IGSF11: variants seen among roughly 807,000 people sequenced by gnomAD.
IGSF11 encodes the protein CXADR like 1.
A neutral mutation model predicts 41.0 loss-of-function variants in IGSF11; 22 were observed. The ratio of observed to expected loss-of-function variants is 0.54; its 90% CI spans 0.38 to 0.77. The LOEUF (loss-of-function observed/expected upper bound fraction) is 0.77. Among genes scored for constraint, IGSF11 ranks in the 30% least tolerant of loss-of-function variants. The pLI, the probability that IGSF11 is intolerant of heterozygous loss-of-function variation, is 0.00. For synonymous variants in IGSF11, 219 were observed against 201.3 expected, an observed-to-expected ratio of 1.09 and a Z score of -0.74; for missense variants, 444 against 530.8, an observed-to-expected ratio of 0.84 and a Z score of 1.61.
chr3:119,044,650 G>T (rs935362656), intron 1 of IGSF11, among the ~76,000 whole-genome samples: 1 of 152,162 alleles, frequency 6.6e-6, no homozygotes, highest in African/African-American at 2.4e-5. Flanking sequence ...AATCTTAAGA[G>T]TTGTGAGGTA....
intron 1 of IGSF11, among the ~76,000 whole-genome samples, chr3:119,028,121 T>C (rs1413477424): frequency 2.0e-5 from 3 of 152,230 alleles, no homozygotes; most frequent in African/African-American, 2.4e-5. Context: ...AAGCCATCTT[T>C]AAGCATATAG....
chr3:119,095,615 C>T (rs1407115365), intron 1 of IGSF11, among the ~76,000 whole-genome samples: 2 of 152,162 alleles, frequency 1.3e-5, no homozygotes. Flanking sequence ...TCATTACTTA[C>T]AGCAAAAGTA....
chr3:119,067,636 G>T (rs762897437), intron 1 of IGSF11, among the ~76,000 whole-genome samples: 1 of 151,458 alleles, frequency 6.6e-6, no homozygotes, highest in East Asian at 1.9e-4. Context: ...AAAAACTTTA[G>T]ATTTTTTTTT....
chr3:118,962,544 T>C (rs776810049), intron 1 of IGSF11, among the ~76,000 whole-genome samples: 7 of 152,082 alleles, frequency 4.6e-5, no homozygotes, highest in Non-Finnish European at 1.0e-4. Flanking sequence ...GGAAGAAGTA[T>C]TTGGGGGAAA....
At chr3:118,930,362 T>A in intron 1 of IGSF11, 87 bp from the exon 2 acceptor site, 4 of 1,312,904 alleles carry the variant, frequency 3.0e-6, no homozygotes, top group Non-Finnish European at 4.2e-6. Flanking sequence ...TTTTATGTTA[T>A]CACATTATTA....
At chr3:119,085,483 T>A (rs1286848740) in intron 1 of IGSF11, among the ~76,000 whole-genome samples, 1 of 152,034 alleles carries the variant, frequency 6.6e-6, no homozygotes, top group African/African-American at 2.4e-5. Flanking sequence ...AAAGCCAGAG[T>A]GTCCCCTTAC....
chr3:118,913,906 C>G (rs1039704688), intron 4 of IGSF11, among the ~76,000 whole-genome samples: 1 of 152,064 alleles, frequency 6.6e-6, no homozygotes, highest in African/African-American at 2.4e-5. Flanking sequence ...CAGACAGAAG[C>G]TGAGAGTTAT....
chr3:119,079,925 A>G (rs953937027), intron 1 of IGSF11, among the ~76,000 whole-genome samples: 7 of 152,194 alleles, frequency 4.6e-5, no homozygotes, highest in Non-Finnish European at 2.9e-5. Context: ...AAGACTACCT[A>G]TCGGGTACTA....
At chr3:119,124,138 A>G (rs12636680) in intron 1 of IGSF11, among the ~76,000 whole-genome samples, 6,661 of 152,228 alleles carry the variant, frequency 0.044, 253 homozygotes, top group South Asian at 0.18. Flanking sequence ...TCAGAATTCT[A>G]TCACAGAGAT....
intron 1 of IGSF11, among the ~76,000 whole-genome samples, chr3:119,050,074 A>C (rs1255012303): frequency 1.3e-5 from 2 of 149,288 alleles, no homozygotes; most frequent in Admixed American, 1.3e-4. Context: ...ATTACCATTC[A>C]GGACATAGGC....
chr3:119,104,437 C>T (rs1167835965), intron 1 of IGSF11, among the ~76,000 whole-genome samples: 1 of 152,146 alleles, frequency 6.6e-6, no homozygotes, highest in African/African-American at 2.4e-5. Flanking sequence ...TGACACTGAT[C>T]ACTCCCATTC....
chr3:118,904,288 C>G (rs1476656083), intron 6 of IGSF11, among the ~76,000 whole-genome samples: 1 of 152,120 alleles, frequency 6.6e-6, no homozygotes, highest in Non-Finnish European at 1.5e-5. Context: ...TACGGAGTTC[C>G]TTCTTGCTTT....
intron 4 of IGSF11, among the ~76,000 whole-genome samples, chr3:118,906,730 C>A (rs1939650460): frequency 6.6e-6 from 1 of 152,092 alleles, no homozygotes; most frequent in Non-Finnish European, 1.5e-5. Context: ...TTATTTATTC[C>A]TATAAAATAC....
chr3:119,073,695 A>G (rs1187085463), intron 1 of IGSF11, among the ~76,000 whole-genome samples: 2 of 152,182 alleles, frequency 1.3e-5, no homozygotes, highest in African/African-American at 4.8e-5. Context: ...GGCTGCTCCA[A>G]GTGTGGGGCC....
chr3:118,971,926 T>G (rs903146259), intron 1 of IGSF11, among the ~76,000 whole-genome samples: 1 of 152,154 alleles, frequency 6.6e-6, no homozygotes, highest in Non-Finnish European at 1.5e-5. Flanking sequence ...AAGAATGGCA[T>G]GTTTAAGATA....
chr3:118,974,175 G>C (rs188167509), intron 1 of IGSF11, among the ~76,000 whole-genome samples: 1 of 152,090 alleles, frequency 6.6e-6, no homozygotes, highest in Non-Finnish European at 1.5e-5. Flanking sequence ...GAGATAAAGT[G>C]GGTTGGTCTC....
At chr3:118,906,294 G>A (rs1199868786) in intron 4 of IGSF11, among the ~76,000 whole-genome samples, 1 of 152,134 alleles carries the variant, frequency 6.6e-6, no homozygotes, top group Admixed American at 6.5e-5. Flanking sequence ...GCAGAAGGCA[G>A]GGAGAGCCTC....
chr3:119,054,548 C>T (rs901620413), intron 1 of IGSF11, among the ~76,000 whole-genome samples: 1 of 152,088 alleles, frequency 6.6e-6, no homozygotes, highest in Non-Finnish European at 1.5e-5. Flanking sequence ...TGGCATGGAT[C>T]TGGTGAAAAG....
chr3:118,911,391 A>C (rs1940273796), intron 4 of IGSF11, among the ~76,000 whole-genome samples: 1 of 152,178 alleles, frequency 6.6e-6, no homozygotes, highest in Non-Finnish European at 1.5e-5. Flanking sequence ...AACCACTCTT[A>C]CTGGGAGGGG....
Sources: allele counts gnomAD v4.1 joint callset (sites outside exome capture counted in the v4.1 genomes callset), GRCh38; gene constraint gnomAD v4.1.1; transcripts MANE v1.5; gene names NCBI Gene and HGNC (gene_info 2026-07-23, HGNC 2026-07-21).